The following LDHC variants were observed in gnomAD, a reference collection of about 807,000 sequenced individuals.
The protein encoded by LDHC is L-lactate dehydrogenase C chain.
In LDHC, 20 loss-of-function variants were observed where a neutral mutation model predicts 30.2. That is an observed-to-expected ratio of 0.66 (90% CI 0.47 to 0.96). The LOEUF is 0.96. Ranked by LOEUF, LDHC falls within the 40% of genes least tolerant of loss-of-function variation. The pLI, the probability that LDHC is intolerant of heterozygous loss-of-function variation, is 0.00. For missense variants in LDHC, 362 were observed against 394.9 expected (o/e 0.92, Z 0.71); for synonymous variants, 139 against 132.7 (o/e 1.05, Z -0.32).
At chr11:18,413,908 C>A (rs1457400684) in intron 2 of LDHC, among the ~76,000 whole-genome samples, 2 of 152,164 alleles carry the variant, frequency 1.3e-5, no homozygotes, top group African/African-American at 2.4e-5. Context: ...CAGAAAAAGA[C>A]GAAATATTGT....
In LDHC at chr11:18,446,300, T is replaced by C; in HGVS notation, c.801T>C (p.Leu267=). Residue 267 remains leucine (L), a synonymous_variant, in exon 7 of 8, where the codon CTT becomes CTC. Transcript: ENST00000541669. ...MDLVGSILKN[L]RRVHPVSTMV... Reference sequence around the variant, plus strand: ...TGGTAGGATCCATTTTGAAAAATCTTAGGAGAGTGCACCCAGTTTCCACCA... The same window carrying C: ...TGGTAGGATCCATTTTGAAAAATCTCAGGAGAGTGCACCCAGTTTCCACCA... 6.2e-7 allele frequency: 1 copy of C among 1,608,098 alleles called. No individual in the cohort carries two copies. Among genetic ancestry groups the C allele is most frequent in the Non-Finnish European group, 8.5e-7 (1 of 1,174,618 alleles).
At position 18,444,604 on chromosome 11, in the gene LDHC, G is replaced by GTATATA. The variant is rs60764598; in HGVS notation, c.711-1566_711-1561dup. 7.0e-3 allele frequency among the ~76,000 whole-genome samples: 626 copies of GTATATA among 89,072 alleles called. 22 individuals are homozygous for GTATATA. The highest frequency in any genetic ancestry group is 0.011 in the Non-Finnish European group (424 of 39,530). 58.4% of individuals were successfully genotyped at this position (89,072 alleles called of 152,430 possible). A position where few individuals can be genotyped will look rare whatever the true frequency, so the allele number is the denominator to read the frequency against. ...AGGCCCAACCTGCTGTGTTCAGGTG[G>GTATATA]TATATATATATATATATATATATAT... is the stretch of plus-strand genomic sequence containing the variant. On this transcript the variant is annotated intron_variant, in intron 6 of 7. Coordinates refer to ENST00000541669, the MANE Select transcript of LDHC (RefSeq NM_017448.5).
intron 5 of LDHC, among the ~76,000 whole-genome samples, chr11:18,435,183 A>G (rs146162348): frequency 0.013 from 2,024 of 151,930 alleles, 50 homozygotes; most frequent in African/African-American, 0.046. Context: ...ATTTATTGTG[A>G]TTTTTTAAAA....
intron 6 of LDHC, among the ~76,000 whole-genome samples, chr11:18,444,646 A>ATATG (rs1848524005): frequency 8.5e-6 from 1 of 117,486 alleles, no homozygotes; most frequent in Non-Finnish European, 1.7e-5. Flanking sequence ...ATATATATAT[A>ATATG]TATGCCTTAT....
intron 3 of LDHC, among the ~76,000 whole-genome samples, chr11:18,421,873 C>G (rs752869703): frequency 6.6e-6 from 1 of 152,128 alleles, no homozygotes; most frequent in Non-Finnish European, 1.5e-5. Flanking sequence ...CCTGTAGTCT[C>G]AGCACTTTGG....
Position 18,441,633 on chromosome 11 carries a change from C to T in LDHC, c.710+2988C>T, listed in dbSNP as rs1053896504. On this transcript the variant is annotated intron_variant, in intron 6 of 7. Transcript: ENST00000541669. ...TAGAAGATATTTCAATGCGGCTGGG[C>T]GTGGTGGCTCATGCCTGTAATCCCA... Among the ~76,000 whole-genome samples the T allele has an allele frequency of 1.4e-4, 20 of 145,810 alleles. No individual in the cohort carries two copies. The East Asian group carries it at 2.2e-3, about 16-fold the overall frequency.
intron 3 of LDHC, among the ~76,000 whole-genome samples, chr11:18,422,503 G>A (rs887404547): frequency 4.0e-5 from 6 of 150,530 alleles, no homozygotes; most frequent in African/African-American, 1.5e-4. Context: ...GCAGTGAGCC[G>A]AGATTGTGGC....
intron 7 of LDHC, among the ~76,000 whole-genome samples, chr11:18,449,428 T>TAAAAAAA (rs557136321): frequency 0.021 from 1,012 of 48,426 alleles, 108 homozygotes; most frequent in East Asian, 0.12. Context: ...CACTGTCTCC[T>TAAAAAAA]AAAAAAAAAA....
At chr11:18,443,464 T>C (rs111561319) in intron 6 of LDHC, among the ~76,000 whole-genome samples, 88 of 111,850 alleles carry the variant, frequency 7.9e-4, no homozygotes, top group Admixed American at 1.1e-3. Flanking sequence ...TTCTTTCTTT[T>C]TTTTTTTTTT....
chr11:18,448,440 C>G (rs139252309), intron 7 of LDHC, among the ~76,000 whole-genome samples: 24 of 152,118 alleles, frequency 1.6e-4, no homozygotes, highest in African/African-American at 4.8e-4. Context: ...CGTGCCACCA[C>G]GCCTGGCTAT....
chr11:18,438,178 G>A (rs1848391680), intron 5 of LDHC, among the ~76,000 whole-genome samples: 1 of 152,200 alleles, frequency 6.6e-6, no homozygotes, highest in African/African-American at 2.4e-5. Flanking sequence ...ACCTCAGGAA[G>A]CTTGCAATCA....
At chr11:18,438,940 G>A (rs547135448) in intron 6 of LDHC, among the ~76,000 whole-genome samples, 2 of 152,270 alleles carry the variant, frequency 1.3e-5, no homozygotes, top group South Asian at 2.1e-4. Flanking sequence ...TCATTTATTA[G>A]TGATATGATA....
At chr11:18,444,604 GTATATATATATATATATA>G (rs60764598) in intron 6 of LDHC, among the ~76,000 whole-genome samples, 6,752 of 89,332 alleles carry the variant, frequency 0.076, 372 homozygotes, top group Middle Eastern at 0.16. Flanking sequence ...TGTTCAGGTG[GTATATATATATATATATA>G]TATATATATA....
In LDHC at chr11:18,434,742, G is replaced by A; in HGVS notation, c.421G>A (p.Asp141Asn). 6.4e-7 allele frequency: 1 copy of A among 1,572,300 alleles called. No homozygotes were observed. The highest frequency in any genetic ancestry group is 1.2e-5 in the South Asian group (1 of 85,186). The change falls in exon 5 of 8, where the codon GAT becomes AAT. Residue 141 changes from aspartate to asparagine, a missense_variant and splice_region_variant. By Grantham distance (23) the Asp-to-Asn change is conservative. Coordinates refer to ENST00000541669, the MANE Select transcript of LDHC (RefSeq NM_017448.5). ...CKILVVSNPV[D>N]ILTYIVWKIS... ...TAACACAAAATTTTTCTTCTTAGTG[G>A]ATATTTTGACATATATAGTCTGGAA...
At chr11:18,441,591 C>T (rs1438979495) in intron 6 of LDHC, among the ~76,000 whole-genome samples, 1 of 149,892 alleles carries the variant, frequency 6.7e-6, no homozygotes, top group Non-Finnish European at 1.5e-5. Context: ...AGGCATGAGC[C>T]ACCACACCCG....
rs192276626 is a variant in LDHC, at chr11:18,451,412, G to C, written c.*285G>C. On this transcript the variant is annotated 3_prime_UTR_variant, in exon 8 of 8. Transcript: ENST00000541669. ...AGTGCCTTCAGATGTAGTAGAATAT[G>C]TATAATCACTATAATACAGAGCTTT... The C allele has an allele frequency of 2.5e-5, 5 of 200,104 alleles. No individual in the cohort carries two copies. Among genetic ancestry groups the C allele is most frequent in the African/African-American group, 4.7e-5 (2 of 42,968 alleles). 12.4% of individuals were successfully genotyped at this position (200,104 alleles called of 1,614,324 possible).
chr11:18,435,673 G>A (rs1256396237), intron 5 of LDHC, among the ~76,000 whole-genome samples: 1 of 152,150 alleles, frequency 6.6e-6, no homozygotes, highest in African/African-American at 2.4e-5. Context: ...CAGAATTCAT[G>A]AGTTTCTGGT....
At chr11:18,440,568 A>G (rs1247899447) in intron 6 of LDHC, among the ~76,000 whole-genome samples, 11 of 152,198 alleles carry the variant, frequency 7.2e-5, no homozygotes, top group Non-Finnish European at 1.2e-4. Flanking sequence ...ATGACTGCAC[A>G]GCAGTGTTAA....
chr11:18,429,629 A>G, intron 3 of LDHC, 108 bp from the exon 4 acceptor site: 1 of 535,342 alleles, frequency 1.9e-6, no homozygotes, highest in Non-Finnish European at 3.1e-6. Context: ...ATAAAGGTAC[A>G]TGGATACTTT....
Sources: allele counts gnomAD v4.1 joint callset (sites outside exome capture counted in the v4.1 genomes callset), GRCh38; gene constraint gnomAD v4.1.1; transcripts MANE v1.5; gene names NCBI Gene and HGNC (gene_info 2026-07-23, HGNC 2026-07-21).